The following DOP1B variants were observed in gnomAD, a reference collection of about 807,000 sequenced individuals.
The protein encoded by DOP1B is DOP1 leucine zipper like protein B.
Under a neutral mutation model 233.5 loss-of-function variants are expected in DOP1B, and 174 were observed. That is an observed-to-expected ratio of 0.75 (90% CI 0.66 to 0.85). The LOEUF is 0.85. Among genes scored for constraint, DOP1B ranks in the 40% least tolerant of loss-of-function variants. DOP1B has a pLI of 0.00. For synonymous variants in DOP1B, 1,190 were observed against 1,185.6 expected (o/e 1.00, Z -0.08); for missense variants, 2,652 against 2,846.6 (o/e 0.93, Z 1.56).
In DOP1B at chr21:36,245,498, G is replaced by C. The variant is rs568612774; in HGVS notation, c.3518G>C (p.Gly1173Ala). 1.8e-5 allele frequency: 29 copies of C among 1,613,570 alleles called. No homozygotes were observed. The highest frequency in any genetic ancestry group is 2.2e-5 in the Non-Finnish European group (26 of 1,180,048). The change falls in exon 19 of 37, where the codon GGG becomes GCG. Residue 1173 changes from glycine (G) to alanine (A), a missense_variant. This residue lies in a region of DOP1B where 2,617 missense variants were observed against 2,794.3 expected (regional missense o/e 0.94). Transcript: ENST00000691173. The surrounding 1 kb of genome is among the most constrained non-coding windows in gnomAD (Gnocchi z 5.5). ...TTCCAGTCAGAAAGCTTCAAGGCTG[G>C]GGCCAAGTTAAGCCTGGTGCGGGTG... ...AAFQSESFKA[G>A]AKLSLVRVDS...
At chr21:36,266,941 T>C (rs1324062299) in intron 26 of DOP1B, among the ~76,000 whole-genome samples, 1 of 152,224 alleles carries the variant, frequency 6.6e-6, no homozygotes, top group Non-Finnish European at 1.5e-5. Context: ...CTGACTTTCC[T>C]TGTGCCCTTC....
At chr21:36,191,587 A>G (rs1012760906) in intron 2 of DOP1B, among the ~76,000 whole-genome samples, 5 of 152,182 alleles carry the variant, frequency 3.3e-5, no homozygotes, top group African/African-American at 1.2e-4. Flanking sequence ...GGAGTTCGAG[A>G]CCAATCTGGC....
At chr21:36,277,360 G>A (rs1393352121) in intron 28 of DOP1B, among the ~76,000 whole-genome samples, 1 of 151,944 alleles carries the variant, frequency 6.6e-6, no homozygotes, top group Non-Finnish European at 1.5e-5. Context: ...TCAGCTCACT[G>A]CAACCTCCAC....
chr21:36,202,184 C>G (rs2066375842), intron 4 of DOP1B, among the ~76,000 whole-genome samples: 1 of 152,016 alleles, frequency 6.6e-6, no homozygotes. Flanking sequence ...AAGACTACGT[C>G]TCAGAAAAAA....
rs1206463236 is a variant in DOP1B at position 36,238,686 on chromosome 21, A to G, written c.2861A>G (p.Asn954Ser). ...CAAGGCAGTCGAGTAACATCTCACAATCGCTCCTTTGATAGGTGAGGCGGC... is the reference window on the plus strand; with the variant it reads ...CAAGGCAGTCGAGTAACATCTCACAGTCGCTCCTTTGATAGGTGAGGCGGC... ...EIQGSRVTSH[N>S]RSFDRSLFVV... The change falls in exon 17 of 37, where the codon AAT becomes AGT. Residue 954 changes from asparagine (N) to serine (S), a missense_variant. Physicochemically the swap from Asn to Ser is conservative, Grantham distance 46. This residue lies in a region of DOP1B where 2,617 missense variants were observed against 2,794.3 expected (regional missense o/e 0.94). Transcript: ENST00000691173. 3.1e-6 allele frequency: 5 copies of G among 1,614,132 alleles called. No homozygotes were observed. The highest frequency in any genetic ancestry group is 2.5e-6 in the Non-Finnish European group (3 of 1,179,996).
chr21:36,158,588 A>G (rs760223827), intron 1 of DOP1B, among the ~76,000 whole-genome samples: 2 of 151,960 alleles, frequency 1.3e-5, no homozygotes, highest in Non-Finnish European at 2.9e-5. Flanking sequence ...GTGGATCACA[A>G]GGTCAGGAGA....
intron 12 of DOP1B, among the ~76,000 whole-genome samples, chr21:36,226,345 T>C (rs1466947631): frequency 6.6e-6 from 1 of 152,026 alleles, no homozygotes; most frequent in East Asian, 1.9e-4. Flanking sequence ...TTGTCCAGGC[T>C]GGAGTGCAAT....
In DOP1B at chr21:36,270,046, A is replaced by G; in HGVS notation, c.5521A>G (p.Asn1841Asp). 2 of 1,614,110 alleles carry G rather than the reference A, an allele frequency of 1.2e-6. No homozygotes were observed. The highest frequency in any genetic ancestry group is 1.7e-6 in the Non-Finnish European group (2 of 1,180,010). The part of the protein sequence containing the change: ...ITQKILEAVG[N>D]IAGSSLEQTS... ...TCAGAAAATCCTAGAAGCTGTGGGG[A>G]ACATTGCCGGCTCTTCCTTGGAGCA... Residue 1841 changes from asparagine (N) to aspartate (D), a missense_variant, in exon 27 of 37, where the codon AAC (asparagine) becomes GAC (aspartate). By Grantham distance (23) the Asn-to-Asp change is conservative. This residue lies in a region of DOP1B where 2,617 missense variants were observed against 2,794.3 expected (regional missense o/e 0.94). Transcript: ENST00000691173.
chr21:36,229,667 T>G (rs1253700258), intron 13 of DOP1B, among the ~76,000 whole-genome samples: 1 of 150,166 alleles, frequency 6.7e-6, no homozygotes, highest in Non-Finnish European at 1.5e-5. Context: ...TTACCTTTTT[T>G]TTTTTTTTTT....
Position 36,293,852 on chromosome 21 carries a change from G to A in DOP1B, c.*281G>A, listed in dbSNP as rs537451656. ...ACAAAAATTAGCTGGGTGTGGTGGC[G>A]GCGCCTGTAATCCCAGCTACTTGGG... On this transcript the variant is annotated 3_prime_UTR_variant, in exon 37 of 37. Coordinates refer to ENST00000691173, the MANE Select transcript of DOP1B (RefSeq NM_001320714.2). 29 of 321,218 alleles carry A rather than the reference G, an allele frequency of 9.0e-5. No homozygotes were observed. The highest frequency in any genetic ancestry group is 6.1e-4 in the East Asian group (8 of 13,146). The allele number at this position is 321,218 out of a possible 1,614,324, so 19.9% of individuals were successfully genotyped here.
At chr21:36,272,058 G>T (rs1300671863) in intron 27 of DOP1B, among the ~76,000 whole-genome samples, 2 of 152,134 alleles carry the variant, frequency 1.3e-5, no homozygotes, top group East Asian at 3.9e-4. Flanking sequence ...AATACAACGT[G>T]AGAAAGGATG....
chr21:36,167,165 A>G (rs2065919445), intron 2 of DOP1B, among the ~76,000 whole-genome samples: 1 of 152,032 alleles, frequency 6.6e-6, no homozygotes, highest in Non-Finnish European at 1.5e-5. Context: ...AGAACAGCCT[A>G]CTTTTTCTTT....
In DOP1B at chr21:36,214,532, A is replaced by T. The variant is rs759803688; in HGVS notation, c.1105A>T (p.Ser369Cys). 3.7e-6 allele frequency: 6 copies of T among 1,614,038 alleles called. No individual in the cohort carries two copies. The East Asian group carries it at 1.3e-4, about 36-fold the overall frequency. Residue 369 changes from serine to cysteine, a missense_variant, in exon 9 of 37, where the codon AGT (serine) becomes TGT (cysteine). By Grantham distance (112) the Ser-to-Cys change is moderately radical. Coordinates refer to ENST00000691173, the MANE Select transcript of DOP1B (RefSeq NM_001320714.2). Reference protein sequence around the residue: ...AYLKPFRVLISLLDKPEIGPQ... With the variant: ...AYLKPFRVLICLLDKPEIGPQ... Reference sequence around the variant, plus strand: ...CCTGAAGCCTTTTCGCGTCCTCATCAGTCTGCTTGACAAGCCAGAAATAGG... The same window carrying T: ...CCTGAAGCCTTTTCGCGTCCTCATCTGTCTGCTTGACAAGCCAGAAATAGG...
rs748854398 is a variant in DOP1B at position 36,239,749 on chromosome 21, G to T, written c.2877-16G>T. On this transcript the variant is annotated splice_polypyrimidine_tract_variant and intron_variant, in intron 17 of 36. Coordinates refer to ENST00000691173, the MANE Select transcript of DOP1B (RefSeq NM_001320714.2). ...GGTGGCTGCGAGTGAACTCACTGGT[G>T]TGTTTCCCACTGCAGGTCCTTGTTT... is the stretch of plus-strand genomic sequence containing the variant. 5.3e-6 allele frequency: 8 copies of T among 1,520,264 alleles called. No homozygotes were observed. In the South Asian group the frequency reaches 8.8e-5, roughly 17 times the overall value. The allele number at this position is 1,520,264 out of a possible 1,614,324, so 94.2% of individuals were successfully genotyped here.
chr21:36,161,927 T>C (rs2065873150), intron 1 of DOP1B, among the ~76,000 whole-genome samples: 1 of 152,214 alleles, frequency 6.6e-6, no homozygotes, highest in Non-Finnish European at 1.5e-5. Context: ...AGTTGCGGCG[T>C]ATCAGTATTT....
chr21:36,202,120 A>C (rs138725399), intron 4 of DOP1B, among the ~76,000 whole-genome samples: 131 of 152,198 alleles, frequency 8.6e-4, no homozygotes, highest in African/African-American at 2.9e-3. Context: ...CTGCGAGGTG[A>C]AGGTTGCAGC....
Position 36,199,640 on chromosome 21 carries a change from A to G in DOP1B, c.320+389A>G, listed in dbSNP as rs182857790. 5.4e-4 allele frequency among the ~76,000 whole-genome samples: 82 copies of G among 152,010 alleles called. 1 individual carries two copies. The highest frequency in any genetic ancestry group is 3.9e-4 in the East Asian group (2 of 5,172). On this transcript the variant is annotated intron_variant, in intron 3 of 36. Coordinates refer to ENST00000691173, the MANE Select transcript of DOP1B (RefSeq NM_001320714.2). ...TGTGATGTTCCCCTTCCTGTGTCCA[A>G]GTGTTCTCATTGTTCAATCCCCACC...
intron 14 of DOP1B, 44 bp from the exon 15 acceptor site, chr21:36,232,760 C>A (rs117816143): frequency 1.9e-6 from 3 of 1,608,694 alleles, no homozygotes; most frequent in Non-Finnish European, 1.7e-6. Flanking sequence ...CCCATTCTCA[C>A]GTGGTTCTGC....
rs2067540663 is a variant in DOP1B, at chr21:36,290,294, G to A, written c.6515+1088G>A. On this transcript the variant is annotated intron_variant, in intron 35 of 36. Coordinates refer to ENST00000691173, the MANE Select transcript of DOP1B (RefSeq NM_001320714.2). ...AATACTAGCACTTTAGGAGGCTGAGGCGGGTGGATCACCTGAGGTTGGGAG... is the reference window on the plus strand; with the variant it reads ...AATACTAGCACTTTAGGAGGCTGAGACGGGTGGATCACCTGAGGTTGGGAG... Among the ~76,000 whole-genome samples the A allele has an allele frequency of 2.0e-5, 3 of 152,252 alleles. No homozygotes were observed. The South Asian group carries it at 6.2e-4, about 31-fold the overall frequency.
Sources: allele counts gnomAD v4.1 joint callset (sites outside exome capture counted in the v4.1 genomes callset), GRCh38; gene constraint gnomAD v4.1.1; regional missense constraint gnomAD v4.1.1; non-coding constraint Gnocchi (gnomAD v3.1); transcripts MANE v1.5; gene names NCBI Gene and HGNC (gene_info 2026-07-23, HGNC 2026-07-21).